Variants in PHACTR1 observed in about 807,000 individuals in gnomAD.
PHACTR1 encodes the protein phosphatase and actin regulator 1.
In PHACTR1, 16 loss-of-function variants were observed where a neutral mutation model predicts 69.2. The observed-to-expected ratio is 0.23, with a 90% CI of 0.16 to 0.35. The LOEUF (loss-of-function observed/expected upper bound fraction) is 0.35. PHACTR1 is among the 10% of genes least tolerant of loss of function. The pLI is 1.00. For synonymous variants in PHACTR1, 312 were observed against 284.5 expected (o/e 1.10, Z -0.97); for missense variants, 510 against 734.7 (o/e 0.69, Z 3.54).
At chr6:13,263,241 T>G (rs890081221) in intron 10 of PHACTR1, among the ~76,000 whole-genome samples, 7 of 14,172 alleles carry the variant, frequency 4.9e-4, no homozygotes, top group African/African-American at 2.6e-3. Flanking sequence ...TTTTAGTGTT[T>G]TTTTTTTTTT....
At chr6:12,809,405 C>T (rs970308169) in intron 4 of PHACTR1, among the ~76,000 whole-genome samples, 12 of 152,316 alleles carry the variant, frequency 7.9e-5, no homozygotes, top group African/African-American at 2.9e-4. Flanking sequence ...AATCCTAGTA[C>T]TCTGCCCTAA....
chr6:13,061,875 A>G (rs918490708), intron 5 of PHACTR1, among the ~76,000 whole-genome samples: 10 of 152,184 alleles, frequency 6.6e-5, no homozygotes, highest in Admixed American at 4.6e-4. Flanking sequence ...CTGCAGTTCA[A>G]TTGATTCATA....
intron 5 of PHACTR1, among the ~76,000 whole-genome samples, chr6:13,156,721 G>A (rs946729771): frequency 3.9e-5 from 6 of 152,130 alleles, no homozygotes; most frequent in African/African-American, 1.2e-4. Flanking sequence ...CTCCAACCCC[G>A]ATTCTCACCC....
chr6:13,284,538 A>C (rs1781090607), intron 13 of PHACTR1, among the ~76,000 whole-genome samples: 1 of 91,806 alleles, frequency 1.1e-5, no homozygotes, highest in African/African-American at 5.4e-5. Context: ...AAAAAAAAAA[A>C]AAAAAATATA....
chr6:13,072,593 T>C (rs1809710044), intron 5 of PHACTR1, among the ~76,000 whole-genome samples: 1 of 152,238 alleles, frequency 6.6e-6, no homozygotes, highest in Admixed American at 6.5e-5. Flanking sequence ...GTAGAAACTC[T>C]AGCTCACTGC....
intron 10 of PHACTR1, among the ~76,000 whole-genome samples, chr6:13,253,699 C>G (rs1254924059): frequency 6.6e-6 from 1 of 152,174 alleles, no homozygotes; most frequent in African/African-American, 2.4e-5. Flanking sequence ...CTCAGCAGAG[C>G]CTAAGCATGC....
intron 4 of PHACTR1, among the ~76,000 whole-genome samples, chr6:12,992,037 G>T (rs1437872443): frequency 6.6e-6 from 1 of 151,156 alleles, no homozygotes; most frequent in Non-Finnish European, 1.5e-5. Flanking sequence ...CACACACATT[G>T]TTATTTTACC....
At chr6:13,043,567 G>C (rs1804543381) in intron 4 of PHACTR1, among the ~76,000 whole-genome samples, 3 of 152,212 alleles carry the variant, frequency 2.0e-5, no homozygotes, top group Admixed American at 1.3e-4. Flanking sequence ...ATACAGACAT[G>C]CCCATTTGGG....
intron 5 of PHACTR1, among the ~76,000 whole-genome samples, chr6:13,111,606 A>T (rs185733959): frequency 1.2e-3 from 190 of 152,232 alleles, no homozygotes; most frequent in Admixed American, 2.2e-3. Flanking sequence ...TTAATTTGAG[A>T]TGTTTACTTC....
intron 5 of PHACTR1, among the ~76,000 whole-genome samples, chr6:13,093,502 C>G (rs1025970890): frequency 1.3e-5 from 2 of 152,174 alleles, no homozygotes; most frequent in African/African-American, 4.8e-5. Context: ...GCATGCTACT[C>G]TAACACTGGG....
rs140789069 is a variant in PHACTR1 at position 12,961,389 on chromosome 6, C to T, written c.251-91976C>T. Among the ~76,000 whole-genome samples the T allele has an allele frequency of 1.3e-4, 20 of 152,254 alleles. No homozygotes were observed. In the East Asian group the frequency reaches 1.7e-3, roughly 13 times the overall value. On this transcript the variant is annotated intron_variant, in intron 4 of 14. Coordinates refer to ENST00000332995, the MANE Select transcript of PHACTR1 (RefSeq NM_030948.6). ...AATGTTGGAGAAGCAGCAGGGAAAG[C>T]GGTATTGAAAGACTTGGTTATAAAT...
chr6:13,140,224 G>A (rs1047223893), intron 5 of PHACTR1, among the ~76,000 whole-genome samples: 2 of 152,072 alleles, frequency 1.3e-5, no homozygotes, highest in African/African-American at 4.8e-5. Flanking sequence ...AAGCAGTGAG[G>A]CATTTCCTCA....
intron 5 of PHACTR1, among the ~76,000 whole-genome samples, chr6:13,123,077 C>T (rs989398505): frequency 6.6e-6 from 1 of 152,044 alleles, no homozygotes; most frequent in African/African-American, 2.4e-5. Context: ...GCTCTCAGAA[C>T]TTGGGAGGAG....
At chr6:13,076,321 A>G (rs1384635075) in intron 5 of PHACTR1, among the ~76,000 whole-genome samples, 1 of 152,176 alleles carries the variant, frequency 6.6e-6, no homozygotes, top group Non-Finnish European at 1.5e-5. Flanking sequence ...AATTGTCTTA[A>G]TTTAGTCCCA....
intron 4 of PHACTR1, among the ~76,000 whole-genome samples, chr6:12,965,915 A>G (rs1453658731): frequency 6.6e-6 from 1 of 152,218 alleles, no homozygotes; most frequent in Non-Finnish European, 1.5e-5. Flanking sequence ...CGGAAGCTGC[A>G]CAGCTAGCAT....
At chr6:13,156,495 T>C (rs1003728888) in intron 5 of PHACTR1, among the ~76,000 whole-genome samples, 1 of 152,240 alleles carries the variant, frequency 6.6e-6, no homozygotes, top group Non-Finnish European at 1.5e-5. Context: ...AGTCATACAC[T>C]TGGAGCCCCT....
chr6:12,939,470 G>A (rs1425608350), intron 4 of PHACTR1, among the ~76,000 whole-genome samples: 1 of 152,084 alleles, frequency 6.6e-6, no homozygotes, highest in African/African-American at 2.4e-5. Context: ...TTTAACAAGA[G>A]TGTGACTGTT....
At chr6:12,795,004 GCTT>G (rs1772794885) in intron 4 of PHACTR1, among the ~76,000 whole-genome samples, 1 of 152,122 alleles carries the variant, frequency 6.6e-6, no homozygotes, top group South Asian at 2.1e-4. Flanking sequence ...ACAGACTCTT[GCTT>G]CTTCTTAAAA....
intron 4 of PHACTR1, among the ~76,000 whole-genome samples, chr6:12,788,088 G>T (rs1442157998): frequency 6.6e-6 from 1 of 151,828 alleles, no homozygotes; most frequent in Non-Finnish European, 1.5e-5. Context: ...AGTCTGGGCA[G>T]CAGAGGTTGC....
Sources: allele counts gnomAD v4.1 joint callset (sites outside exome capture counted in the v4.1 genomes callset), GRCh38; gene constraint gnomAD v4.1.1; transcripts MANE v1.5; gene names NCBI Gene and HGNC (gene_info 2026-07-23, HGNC 2026-07-21).